Variants in PEX14 observed in about 807,000 individuals in gnomAD.
PEX14 encodes the protein peroxisomal membrane protein PEX14.
A neutral mutation model predicts 49.5 loss-of-function variants in PEX14; 15 were observed. That is an observed-to-expected ratio of 0.30 (90% CI 0.20 to 0.47). PEX14 has a LOEUF of 0.47. Among genes scored for constraint, PEX14 ranks in the 20% least tolerant of loss-of-function variants. The probability of loss-of-function intolerance (pLI) is 1.00; values close to 1 mark genes in which losing one functional copy is unlikely to be tolerated. For synonymous variants in PEX14, 210 were observed against 212.7 expected (o/e 0.99, Z 0.11); for missense variants, 398 against 494.8 (o/e 0.80, Z 1.86).
chr1:10,475,018 C>T lies in PEX14; in HGVS notation c.36+16C>T, dbSNP rs749238226. 62 of 1,605,816 alleles carry T rather than the reference C, an allele frequency of 3.9e-5. No individual in the cohort carries two copies. Among genetic ancestry groups the T allele is most frequent in the Non-Finnish European group, 5.2e-5 (61 of 1,176,174 alleles). On this transcript the variant is annotated intron_variant, in intron 1 of 8. Coordinates refer to ENST00000356607, the MANE Select transcript of PEX14 (RefSeq NM_004565.3). ...GCCGAGCCAGGTAAGGGGAGTGGGA[C>T]TGCCCCGCTGTGCGGCGGAGACCCC...
intron 5 of PEX14, among the ~76,000 whole-genome samples, chr1:10,621,562 G>A (rs1308153047): frequency 1.3e-5 from 2 of 152,064 alleles, no homozygotes; most frequent in African/African-American, 4.8e-5. Flanking sequence ...GGCCAGGCTG[G>A]TCTCGAACGC....
intron 3 of PEX14, among the ~76,000 whole-genome samples, chr1:10,565,889 C>T (rs1266246245): frequency 6.6e-6 from 1 of 152,228 alleles, no homozygotes; most frequent in Non-Finnish European, 1.5e-5. Flanking sequence ...CCTGTAGTCC[C>T]AGCTACTTGG....
chr1:10,487,838 TG>T (rs1246755709), intron 1 of PEX14, among the ~76,000 whole-genome samples: 1 of 152,124 alleles, frequency 6.6e-6, no homozygotes, highest in African/African-American at 2.4e-5. Flanking sequence ...TGGAGTGCAG[TG>T]GCTCGATCTC....
chr1:10,555,359 A>G (rs1034516353), intron 3 of PEX14, among the ~76,000 whole-genome samples: 8 of 152,220 alleles, frequency 5.3e-5, no homozygotes, highest in African/African-American at 1.9e-4. Context: ...TCTTCCCTAC[A>G]TACAGAGTCG....
rs182941255 is a variant in PEX14 at position 10,612,035 on chromosome 1, T to A, written c.299-6297T>A. 2.0e-3 allele frequency among the ~76,000 whole-genome samples: 311 copies of A among 152,326 alleles called. 1 individual carries two copies. Among genetic ancestry groups the A allele is most frequent in the Non-Finnish European group, 3.4e-3 (232 of 68,032 alleles). ...TTTTTTCCTTTTTGGTTCATGCTTC[T>A]TATATCTTAAGATGTTTTTGTTTAC... On this transcript the variant is annotated intron_variant, in intron 4 of 8. Coordinates refer to ENST00000356607, the MANE Select transcript of PEX14 (RefSeq NM_004565.3).
chr1:10,488,901 C>T (rs1297548173), intron 1 of PEX14, among the ~76,000 whole-genome samples: 1 of 152,178 alleles, frequency 6.6e-6, no homozygotes, highest in Non-Finnish European at 1.5e-5. Context: ...CTGTTCTTGT[C>T]TACTAGTTAT....
rs570072869 is a variant in PEX14 at position 10,563,647 on chromosome 1, G to A, written c.169+27350G>A. ...TCTCAAAAAATAAAAAAGTTGGGCC[G>A]GGCGCAGTGGCTCACACCTGTAATC... On this transcript the variant is annotated intron_variant, in intron 3 of 8. Transcript: ENST00000356607. Among the ~76,000 whole-genome samples, 8 of 151,744 alleles carry A rather than the reference G, an allele frequency of 5.3e-5. No individual in the cohort carries two copies. In the South Asian group the frequency reaches 1.0e-3, roughly 20 times the overall value.
chr1:10,615,885 C>CTACT (rs1191393140), intron 4 of PEX14, among the ~76,000 whole-genome samples: 1 of 152,238 alleles, frequency 6.6e-6, no homozygotes, highest in Non-Finnish European at 1.5e-5. Context: ...AAATGTAAGA[C>CTACT]TACTAATGGC....
In PEX14 at chr1:10,629,013, C is replaced by T. The variant is rs758629220; in HGVS notation, c.678-518C>T. On this transcript the variant is annotated intron_variant, in intron 8 of 8. Coordinates refer to ENST00000356607, the MANE Select transcript of PEX14 (RefSeq NM_004565.3). This position sits in a 1 kb window ranked among gnomAD's most constrained non-coding sequence, Gnocchi z 8.5. ...GTTTTCTAGCAAAGGGCATAACCAC[C>T]GCCCTTTTGGTTCTGATGTGTCTGA... Among the ~76,000 whole-genome samples the T allele has an allele frequency of 2.0e-5, 3 of 152,214 alleles. No individual in the cohort carries two copies. The highest frequency in any genetic ancestry group is 4.4e-5 in the Non-Finnish European group (3 of 68,032).
rs1279431221 is a variant in PEX14 at position 10,539,240 on chromosome 1, A to C, written c.169+2943A>C. On this transcript the variant is annotated intron_variant, in intron 3 of 8. Transcript: ENST00000356607. This position sits in a 1 kb window ranked among gnomAD's most constrained non-coding sequence, Gnocchi z 4.6. ...ATGAGTGGTATAGGGATGGAAGAGC[A>C]TTGGTTTGCAAAGGTCTTTCCTGTT... is the stretch of plus-strand genomic sequence containing the variant. 1.3e-5 allele frequency among the ~76,000 whole-genome samples: 2 copies of C among 151,782 alleles called. No homozygotes were observed. Among genetic ancestry groups the C allele is most frequent in the Non-Finnish European group, 2.9e-5 (2 of 67,972 alleles).
intron 3 of PEX14, among the ~76,000 whole-genome samples, chr1:10,568,451 A>G (rs1639877239): frequency 6.6e-6 from 1 of 152,042 alleles, no homozygotes; most frequent in Non-Finnish European, 1.5e-5. Flanking sequence ...TCACTTACAG[A>G]AATAATCATA....
At chr1:10,615,084 C>G (rs1641375048) in intron 4 of PEX14, among the ~76,000 whole-genome samples, 3 of 152,190 alleles carry the variant, frequency 2.0e-5, no homozygotes. Flanking sequence ...GTCCCCTTCC[C>G]ATGGCAGTTT....
chr1:10,615,372 C>T (rs1339708713), intron 4 of PEX14, among the ~76,000 whole-genome samples: 1 of 152,176 alleles, frequency 6.6e-6, no homozygotes, highest in African/African-American at 2.4e-5. Flanking sequence ...GGAGAGCATA[C>T]AGTACACCGA....
In PEX14 at chr1:10,548,104, C is replaced by T. The variant is rs532785467; in HGVS notation, c.169+11807C>T. On this transcript the variant is annotated intron_variant, in intron 3 of 8. Coordinates refer to ENST00000356607, the MANE Select transcript of PEX14 (RefSeq NM_004565.3). Reference sequence around the variant, plus strand: ...TGGTGGCGCATGCCTGTCATCCCAGCTACTTGGGAGGCTGAGGCAGGAGAA... The same window carrying T: ...TGGTGGCGCATGCCTGTCATCCCAGTTACTTGGGAGGCTGAGGCAGGAGAA... Among the ~76,000 whole-genome samples, 7 of 152,274 alleles carry T rather than the reference C, an allele frequency of 4.6e-5. No individual in the cohort carries two copies. The South Asian group carries it at 1.5e-3, about 32-fold the overall frequency.
intron 3 of PEX14, among the ~76,000 whole-genome samples, chr1:10,594,794 C>T (rs192674565): frequency 7.1e-6 from 1 of 140,786 alleles, no homozygotes; most frequent in African/African-American, 2.6e-5. Flanking sequence ...TGGTCTGAGT[C>T]GTGGGAAAGG....
intron 2 of PEX14, among the ~76,000 whole-genome samples, chr1:10,527,083 A>C (rs1421613027): frequency 6.6e-6 from 1 of 151,890 alleles, no homozygotes; most frequent in Non-Finnish European, 1.5e-5. Context: ...GCGTGGTGGC[A>C]TGTGCCTGTA....
intron 2 of PEX14, among the ~76,000 whole-genome samples, chr1:10,497,926 A>G (rs1343296266): frequency 6.6e-6 from 1 of 152,214 alleles, no homozygotes; most frequent in Non-Finnish European, 1.5e-5. Flanking sequence ...AAGGCAAATA[A>G]TCTTATTCTT....
rs572063377 is a variant in PEX14 at position 10,623,272 on chromosome 1, G to A, written c.487+151G>A. 44 of 663,330 alleles carry A rather than the reference G, an allele frequency of 6.6e-5. No homozygotes were observed. Among genetic ancestry groups the A allele is most frequent in the East Asian group, 4.0e-4 (14 of 35,422 alleles). The allele number at this position is 663,330 out of a possible 1,614,324, so 41.1% of individuals were successfully genotyped here. A position where few individuals can be genotyped will look rare whatever the true frequency, so the allele number is the denominator to read the frequency against. ...GTTCACATTTGCAAATGAAGCCGCC[G>A]TCATTTCGGTTTAATTTGAAATTGC... On this transcript the variant is annotated intron_variant, in intron 6 of 8. Transcript: ENST00000356607. This position sits in a 1 kb window ranked among gnomAD's most constrained non-coding sequence, Gnocchi z 4.4.
At chr1:10,519,074 A>G (rs1385562155) in intron 2 of PEX14, among the ~76,000 whole-genome samples, 1 of 152,158 alleles carries the variant, frequency 6.6e-6, no homozygotes, top group Non-Finnish European at 1.5e-5. Context: ...ACGTTGTCCA[A>G]CAGGGGGTGA....
Sources: allele counts gnomAD v4.1 joint callset (sites outside exome capture counted in the v4.1 genomes callset), GRCh38; gene constraint gnomAD v4.1.1; non-coding constraint Gnocchi (gnomAD v3.1); transcripts MANE v1.5; gene names NCBI Gene and HGNC (gene_info 2026-07-23, HGNC 2026-07-21).